Variants in NEDD4L observed in about 807,000 individuals in gnomAD.
The protein encoded by NEDD4L is E3 ubiquitin-protein ligase NEDD4-like.
Under a neutral mutation model 148.9 loss-of-function variants are expected in NEDD4L, and 54 were observed. The ratio of observed to expected loss-of-function variants is 0.36; its 90% CI spans 0.29 to 0.45. The LOEUF is 0.45. Among genes scored for constraint, NEDD4L ranks in the 20% least tolerant of loss-of-function variants. The pLI is 1.00. For missense variants in NEDD4L, 856 were observed against 1,233.8 expected, an observed-to-expected ratio of 0.69 and a Z score of 4.59; for synonymous variants, 433 against 440.7, an observed-to-expected ratio of 0.98 and a Z score of 0.22.
intron 13 of NEDD4L, among the ~76,000 whole-genome samples, chr18:58,336,316 G>A (rs1161689606): frequency 3.3e-5 from 5 of 152,124 alleles, no homozygotes; most frequent in East Asian, 1.9e-4. Flanking sequence ...GGTGGCTCAC[G>A]CCTGTAATCC....
chr18:58,301,662 C>A (rs1359108537), intron 5 of NEDD4L, among the ~76,000 whole-genome samples: 1 of 152,206 alleles, frequency 6.6e-6, no homozygotes, highest in Non-Finnish European at 1.5e-5. Context: ...ACAGTTCTGC[C>A]AGGGTCCCTG....
chr18:58,192,981 A>G (rs915966664), intron 2 of NEDD4L, among the ~76,000 whole-genome samples: 2 of 152,240 alleles, frequency 1.3e-5, no homozygotes, highest in African/African-American at 4.8e-5. Context: ...GTTCCAACAC[A>G]GCACAACAGC....
At chr18:58,134,358 CTTTTTTTTTTTT>C (rs926932340) in intron 1 of NEDD4L, among the ~76,000 whole-genome samples, 1 of 11,944 alleles carries the variant, frequency 8.4e-5, no homozygotes, top group Non-Finnish European at 1.3e-4. Context: ...AATTCCATTT[CTTTTTTTTTTTT>C]TTTTTTTTTT....
At chr18:58,393,049 C>G (rs1400053561) in intron 30 of NEDD4L, among the ~76,000 whole-genome samples, 1 of 152,170 alleles carries the variant, frequency 6.6e-6, no homozygotes, top group African/African-American at 2.4e-5. Flanking sequence ...CACCCTTTAC[C>G]ACTACACCAG....
At chr18:58,385,280 G>A (rs2146776985) in intron 25 of NEDD4L, among the ~76,000 whole-genome samples, 1 of 152,286 alleles carries the variant, frequency 6.6e-6, no homozygotes, top group East Asian at 1.9e-4. Flanking sequence ...GTTTAGGTCA[G>A]CCAAACCTTG....
chr18:58,284,355 T>C (rs1004368931), intron 5 of NEDD4L, among the ~76,000 whole-genome samples: 10 of 152,194 alleles, frequency 6.6e-5, no homozygotes, highest in African/African-American at 2.2e-4. Context: ...GATTTTTTTT[T>C]CCTCAAAGTA....
chr18:58,283,342 C>G (rs940720025), intron 5 of NEDD4L, among the ~76,000 whole-genome samples: 7 of 152,214 alleles, frequency 4.6e-5, no homozygotes, highest in African/African-American at 1.7e-4. Flanking sequence ...TCCCAAAGTG[C>G]TGGGATTACA....
chr18:58,325,262 G>A (rs2059210784), intron 9 of NEDD4L, 100 bp downstream of exon 9: 2 of 1,362,344 alleles, frequency 1.5e-6, no homozygotes, highest in Non-Finnish European at 2.0e-6. Flanking sequence ...TAAATCATAT[G>A]TCTATAAGAG....
At chr18:58,372,428 C>G (rs1471166953) in intron 23 of NEDD4L, 1 of 152,126 alleles carries the variant, frequency 6.6e-6, no homozygotes, top group South Asian at 2.1e-4. Flanking sequence ...CTAGAACATT[C>G]TTTATCCTTC....
intron 8 of NEDD4L, among the ~76,000 whole-genome samples, chr18:58,324,451 A>T (rs1159156194): frequency 6.6e-6 from 1 of 152,158 alleles, no homozygotes; most frequent in Admixed American, 6.5e-5. Context: ...TGCAAAGAGG[A>T]GGCTTCTCTC....
In NEDD4L at chr18:58,256,027, C is replaced by T; in HGVS notation, c.297+3973C>T. ...CGCCCGACCCCAGGGACCAGGCCTC[C>T]GCCACTGCCACCACGAGGGCCTCGC... On this transcript the variant is annotated intron_variant, in intron 5 of 30. Transcript: ENST00000400345. This position sits in a 1 kb window ranked among gnomAD's most constrained non-coding sequence, Gnocchi z 5.2. 4 of 1,230,046 alleles carry T rather than the reference C, an allele frequency of 3.3e-6. No individual in the cohort carries two copies. The highest frequency in any genetic ancestry group is 3.0e-6 in the Non-Finnish European group (3 of 986,872). 76.2% of individuals were successfully genotyped at this position (1,230,046 alleles called of 1,614,324 possible).
chr18:58,329,892 G>C (rs953088258), intron 10 of NEDD4L, among the ~76,000 whole-genome samples: 1 of 152,056 alleles, frequency 6.6e-6, no homozygotes, highest in Non-Finnish European at 1.5e-5. Flanking sequence ...ATGACAGCTT[G>C]TTTTTATCAT....
At chr18:58,138,407 T>G (rs889629993) in intron 1 of NEDD4L, among the ~76,000 whole-genome samples, 2 of 105,744 alleles carry the variant, frequency 1.9e-5, no homozygotes, top group African/African-American at 7.1e-5. Flanking sequence ...TCTTTCCTCA[T>G]GAAGCATGTG....
rs1241396172 is a variant in NEDD4L at position 58,398,367 on chromosome 18, G to C, written c.*2098G>C. 6.6e-6 allele frequency: 1 copy of C among 151,902 alleles called. No individual in the cohort carries two copies. The highest frequency in any genetic ancestry group is 1.5e-5 in the Non-Finnish European group (1 of 67,998). The allele number at this position is 151,902 out of a possible 1,614,324, so 9.4% of individuals were successfully genotyped here. ...AGCAGTATGCTTTCTTGGTTTTTGAGAGTAATTGTGTAATTGTAGAGGGAG... is the reference window on the plus strand; with the variant it reads ...AGCAGTATGCTTTCTTGGTTTTTGACAGTAATTGTGTAATTGTAGAGGGAG... On this transcript the variant is annotated 3_prime_UTR_variant, in exon 31 of 31. Transcript: ENST00000400345.
Position 58,188,470 on chromosome 18 carries a change from G to A in NEDD4L, c.122+22609G>A, listed in dbSNP as rs541009438. The stretch of plus-strand genomic sequence containing the variant: ...CCACCTCTGCAGACTGGGAAACAGA[G>A]TCTGGGAGGCTGCTTGTTCCCTCAA... On this transcript the variant is annotated intron_variant, in intron 2 of 30. Coordinates refer to ENST00000400345, the MANE Select transcript of NEDD4L (RefSeq NM_001144967.3). 5.3e-5 allele frequency among the ~76,000 whole-genome samples: 8 copies of A among 152,328 alleles called. No individual in the cohort carries two copies. The East Asian group carries it at 1.4e-3, about 26-fold the overall frequency.
intron 1 of NEDD4L, among the ~76,000 whole-genome samples, chr18:58,111,049 A>G (rs2085389667): frequency 6.6e-6 from 1 of 152,218 alleles, no homozygotes; most frequent in African/African-American, 2.4e-5. Flanking sequence ...TTGTGCAACC[A>G]TCATTATGAT....
intron 1 of NEDD4L, among the ~76,000 whole-genome samples, chr18:58,066,387 GTTTT>G (rs368243667): frequency 0.14 from 16,153 of 112,084 alleles, 1,053 homozygotes; most frequent in East Asian, 0.18. Flanking sequence ...CTCTGTATTA[GTTTT>G]TTTTTTTTTT....
chr18:58,064,960 T>C (rs4941304), intron 1 of NEDD4L, among the ~76,000 whole-genome samples: 106,885 of 152,022 alleles, frequency 0.7, 38,374 homozygotes, highest in East Asian at 0.87. Flanking sequence ...GATATCCAGG[T>C]GGGGAAACCT....
intron 1 of NEDD4L, among the ~76,000 whole-genome samples, chr18:58,048,144 T>C (rs977397054): frequency 6.6e-6 from 1 of 152,220 alleles, no homozygotes. Context: ...TCCGGCTTAA[T>C]TGGGGCCACA....
Sources: allele counts gnomAD v4.1 joint callset (sites outside exome capture counted in the v4.1 genomes callset), GRCh38; gene constraint gnomAD v4.1.1; non-coding constraint Gnocchi (gnomAD v3.1); transcripts MANE v1.5; gene names NCBI Gene and HGNC (gene_info 2026-07-23, HGNC 2026-07-21).